ERP27: variants seen among roughly 807,000 people sequenced by gnomAD.
The protein encoded by ERP27 is endoplasmic reticulum resident protein 27.
In ERP27, 23 loss-of-function variants were observed where a neutral mutation model predicts 27.7. The ratio of observed to expected loss-of-function variants is 0.83; its 90% CI spans 0.60 to 1.18. ERP27 has a LOEUF of 1.18. Among genes scored for constraint, ERP27 ranks in the 50% most tolerant of loss-of-function variants. ERP27 has a pLI of 0.00. For synonymous variants in ERP27, 159 were observed against 118.3 expected, an observed-to-expected ratio of 1.34 and a Z score of -2.23; for missense variants, 363 against 327.9, an observed-to-expected ratio of 1.11 and a Z score of -0.83.
chr12:14,936,856 A>G lies in ERP27; in HGVS notation c.195+1096T>C, dbSNP rs532700884. ...TCAATTAAAACTCTTTCCTTTATAA[A>G]TTATCCAGTTTTGGGTATGTCTTTA... On this transcript the variant is annotated intron_variant, in intron 2 of 6. Coordinates refer to ENST00000266397, the MANE Select transcript of ERP27 (RefSeq NM_152321.4). 1.3e-3 allele frequency among the ~76,000 whole-genome samples: 204 copies of G among 152,158 alleles called. 1 individual carries two copies. Among genetic ancestry groups the G allele is most frequent in the African/African-American group, 4.7e-3 (194 of 41,504 alleles).
At chr12:14,933,498 A>G (rs1863728967) in intron 3 of ERP27, among the ~76,000 whole-genome samples, 1 of 152,206 alleles carries the variant, frequency 6.6e-6, no homozygotes. Context: ...ATGGGGGCAT[A>G]AACTAGATAG....
At chr12:14,929,054 C>T (rs1863656931) in intron 3 of ERP27, 1 of 1,532,866 alleles carries the variant, frequency 6.5e-7, no homozygotes, top group South Asian at 1.2e-5. Context: ...TTTGATGTGT[C>T]TAAATGCTTC....
At chr12:14,928,721 A>G (rs1308034811) in intron 3 of ERP27, among the ~76,000 whole-genome samples, 3 of 152,228 alleles carry the variant, frequency 2.0e-5, no homozygotes, top group Non-Finnish European at 4.4e-5. Context: ...CCTTGTGTAT[A>G]TTTAATTGTT....
At chr12:14,932,330 G>A (rs1006307916) in intron 3 of ERP27, among the ~76,000 whole-genome samples, 4 of 152,264 alleles carry the variant, frequency 2.6e-5, no homozygotes, top group African/African-American at 9.6e-5. Flanking sequence ...TTTCCTGAAG[G>A]GTAACATTCC....
chr12:14,919,948 CA>C (rs143481894), intron 4 of ERP27, among the ~76,000 whole-genome samples: 28 of 151,614 alleles, frequency 1.8e-4, no homozygotes, highest in Non-Finnish European at 3.2e-4. Context: ...TCTTCTACCT[CA>C]AAAAAAATCA....
At position 14,914,685 on chromosome 12, in the gene ERP27, T is replaced by C. The variant is rs780324532; in HGVS notation, c.*50A>G. 6.4e-7 allele frequency: 1 copy of C among 1,561,780 alleles called. No individual in the cohort carries two copies. The highest frequency in any genetic ancestry group is 8.8e-7 in the Non-Finnish European group (1 of 1,141,138). On this transcript the variant is annotated 3_prime_UTR_variant, in exon 7 of 7. Transcript: ENST00000266397. Reference sequence around the variant, plus strand: ...GTCTCTGAGATTTGAGTTGTGCCTTTTTACTTTGCATAAAGTAGATACTTG... The same window carrying C: ...GTCTCTGAGATTTGAGTTGTGCCTTCTTACTTTGCATAAAGTAGATACTTG...
At chr12:14,934,724 T>C (rs1863748939) in intron 3 of ERP27, 132 bp downstream of exon 3, 1 of 1,129,554 alleles carries the variant, frequency 8.9e-7, no homozygotes, top group African/African-American at 1.6e-5. Flanking sequence ...TCATCATCCT[T>C]GTCAACAATG....
chr12:14,933,906 C>T (rs918538258), intron 3 of ERP27, among the ~76,000 whole-genome samples: 25 of 152,124 alleles, frequency 1.6e-4, no homozygotes, highest in African/African-American at 5.8e-4. Context: ...ACAAAAGCTC[C>T]CTCTTCTCTT....
rs781340901 is a variant in ERP27 at position 14,914,795 on chromosome 12, A to G, written c.775-13T>C. The G allele has an allele frequency of 3.1e-6, 5 of 1,607,986 alleles. No individual in the cohort carries two copies. The highest frequency in any genetic ancestry group is 4.3e-6 in the Non-Finnish European group (5 of 1,174,990). ...CACGATTTTCTTTCTGGAAAACATTATAACAATGATATTTAGATTAGTAAA... is the reference window on the plus strand; with the variant it reads ...CACGATTTTCTTTCTGGAAAACATTGTAACAATGATATTTAGATTAGTAAA... On this transcript the variant is annotated splice_polypyrimidine_tract_variant and intron_variant, in intron 6 of 6. Coordinates refer to ENST00000266397, the MANE Select transcript of ERP27 (RefSeq NM_152321.4).
In ERP27 at chr12:14,915,489, CA is replaced by C; in HGVS notation, c.773del (p.Leu258Ter). 6.2e-7 allele frequency: 1 copy of C among 1,613,632 alleles called. No homozygotes were observed. Among genetic ancestry groups the C allele is most frequent in the Non-Finnish European group, 8.5e-7 (1 of 1,179,596 alleles). ...GCTTTACCTGCAGTCTCACACTTAC[CA>C]ACAATTTTCCACTTAGGAATCCATC... Reference protein sequence around the residue: ...FCDGFLSGKLLKENRESEGKT... With the variant: ...FCDGFLSGKLXKENRESEGKT... On this transcript the variant is annotated frameshift_variant and splice_region_variant, in exon 6 of 7. Coordinates refer to ENST00000266397, the MANE Select transcript of ERP27 (RefSeq NM_152321.4). LOFTEE classifies it high-confidence loss of function.
At chr12:14,923,350 G>A (rs1439198678) in intron 3 of ERP27, among the ~76,000 whole-genome samples, 2 of 151,464 alleles carry the variant, frequency 1.3e-5, no homozygotes, top group South Asian at 4.1e-4. Flanking sequence ...ATATTTGTAT[G>A]AGCCATTATC....
At chr12:14,917,983 GCCCCCTC>G (rs1185787759) in intron 4 of ERP27, among the ~76,000 whole-genome samples, 6 of 152,186 alleles carry the variant, frequency 3.9e-5, no homozygotes, top group African/African-American at 1.4e-4. Flanking sequence ...CTTTATTTCA[GCCCCCTC>G]TCTTGTTGCA....
chr12:14,921,776 T>C (rs1045701733), intron 3 of ERP27, among the ~76,000 whole-genome samples: 1 of 152,156 alleles, frequency 6.6e-6, no homozygotes, highest in Non-Finnish European at 1.5e-5. Flanking sequence ...TTCCTTCTAG[T>C]TTATAATTCA....
intron 3 of ERP27, among the ~76,000 whole-genome samples, chr12:14,928,119 T>C (rs909532878): frequency 3.9e-5 from 6 of 152,222 alleles, no homozygotes; most frequent in African/African-American, 1.4e-4. Context: ...TTAGGCCATC[T>C]GCTCTTGGAC....
In ERP27 at chr12:14,914,573, T is replaced by C. The variant is rs75152838; in HGVS notation, c.*162A>G. On this transcript the variant is annotated 3_prime_UTR_variant, in exon 7 of 7. Transcript: ENST00000266397. ...AAATGAAGCTCTGTGTGTGTGTGTGTGTGTGCGTGTGTGTGTGCACGCGTG... is the reference window on the plus strand; with the variant it reads ...AAATGAAGCTCTGTGTGTGTGTGTGCGTGTGCGTGTGTGTGTGCACGCGTG... 0.026 allele frequency: 14,647 copies of C among 559,076 alleles called. 802 individuals are homozygous for C. Among genetic ancestry groups the C allele is most frequent in the African/African-American group, 0.18 (8,100 of 44,868 alleles). The allele number at this position is 559,076 out of a possible 1,614,324, so 34.6% of individuals were successfully genotyped here.
intron 3 of ERP27, among the ~76,000 whole-genome samples, chr12:14,929,803 A>G (rs946582433): frequency 3.3e-5 from 5 of 152,156 alleles, no homozygotes; most frequent in African/African-American, 1.2e-4. Context: ...GATTTTTATA[A>G]AATGTATTAA....
At position 14,917,158 on chromosome 12, in the gene ERP27, T is replaced by C; in HGVS notation, c.576+20A>G. On this transcript the variant is annotated intron_variant, in intron 5 of 6. Coordinates refer to ENST00000266397, the MANE Select transcript of ERP27 (RefSeq NM_152321.4). ...TCCTGGAGGTGTGTATGCAATAGGATATTCCCATTCTTGCCTTACCTTCCC... is the reference window on the plus strand; with the variant it reads ...TCCTGGAGGTGTGTATGCAATAGGACATTCCCATTCTTGCCTTACCTTCCC... 6.2e-7 allele frequency: 1 copy of C among 1,614,030 alleles called. No individual in the cohort carries two copies. Among genetic ancestry groups the C allele is most frequent in the Non-Finnish European group, 8.5e-7 (1 of 1,179,930 alleles).
chr12:14,930,006 G>A (rs1863674452), intron 3 of ERP27, among the ~76,000 whole-genome samples: 1 of 151,420 alleles, frequency 6.6e-6, no homozygotes, highest in Non-Finnish European at 1.5e-5. Context: ...CACACACCAG[G>A]GCCTGTAGGG....
intron 6 of ERP27, among the ~76,000 whole-genome samples, chr12:14,915,142 G>T (rs985376508): frequency 2.0e-5 from 3 of 151,982 alleles, no homozygotes; most frequent in Admixed American, 6.6e-5. Flanking sequence ...TAATAGTTAC[G>T]TTTTTATGGG....
Sources: allele counts gnomAD v4.1 joint callset (sites outside exome capture counted in the v4.1 genomes callset), GRCh38; gene constraint gnomAD v4.1.1; transcripts MANE v1.5; gene names NCBI Gene and HGNC (gene_info 2026-07-23, HGNC 2026-07-21).